KCNK1: variants seen among roughly 807,000 people sequenced by gnomAD.
The protein encoded by KCNK1 is potassium two pore domain channel subfamily K member 1, also known as potassium channel subfamily K member 1.
KCNK1 carries 10 observed loss-of-function variants against 22.2 expected under a neutral mutation model. That is an observed-to-expected ratio of 0.45 (90% confidence interval 0.28 to 0.76). The LOEUF (loss-of-function observed/expected upper bound fraction) is 0.76. Ranked by LOEUF, KCNK1 falls within the 30% of genes least tolerant of loss-of-function variation. KCNK1 has a pLI of 0.14. For missense variants in KCNK1, 378 were observed against 421.0 expected (o/e 0.90, Z 0.89); for synonymous variants, 200 against 186.4 (o/e 1.07, Z -0.60).
At chr1:233,635,579 G>A (rs986266201) in intron 1 of KCNK1, among the ~76,000 whole-genome samples, 2 of 147,624 alleles carry the variant, frequency 1.4e-5, no homozygotes, top group African/African-American at 5.2e-5. Flanking sequence ...ATGTTAATAA[G>A]CCATAAGCCA....
intron 1 of KCNK1, among the ~76,000 whole-genome samples, chr1:233,642,736 G>A (rs966729323): frequency 2.6e-5 from 4 of 152,056 alleles, no homozygotes; most frequent in African/African-American, 7.2e-5. Context: ...CAATGAATTC[G>A]GGAAATCATT....
rs375261741 is a variant in KCNK1 at position 233,666,550 on chromosome 1, C to G, written c.356-45C>G. 2.9e-5 allele frequency: 45 copies of G among 1,542,026 alleles called. No homozygotes were observed. In the African/African-American group the frequency reaches 5.5e-4, roughly 19 times the overall value. ...ATATTGTTTAAAAACGTGTTTGCCA[C>G]TTTGTCTCTTCCTCTTCGCCTCAGT... is the stretch of plus-strand genomic sequence containing the variant. On this transcript the variant is annotated intron_variant, in intron 1 of 2. Transcript: ENST00000366621.
intron 1 of KCNK1, among the ~76,000 whole-genome samples, chr1:233,662,271 T>TCTTCTTCTTCTTCTTCTTCTC (rs1553267164): frequency 6.0e-5 from 4 of 67,106 alleles, no homozygotes; most frequent in African/African-American, 8.3e-5. Flanking sequence ...TTCTTCTTCT[T>TCTTCTTCTTCTTCTTCTTCTC]CTCCTCCTCC....
At chr1:233,663,377 A>G (rs1558119579) in intron 1 of KCNK1, among the ~76,000 whole-genome samples, 1 of 152,212 alleles carries the variant, frequency 6.6e-6, no homozygotes, top group Admixed American at 6.5e-5. Context: ...GATTATCTTC[A>G]TTGCTTGGAG....
chr1:233,632,905 TG>T (rs903305901), intron 1 of KCNK1, among the ~76,000 whole-genome samples: 5 of 152,134 alleles, frequency 3.3e-5, no homozygotes, highest in Non-Finnish European at 7.4e-5. Flanking sequence ...AGTCTTTTCA[TG>T]TAAAGACATT....
At chr1:233,659,437 A>T (rs956246323) in intron 1 of KCNK1, among the ~76,000 whole-genome samples, 8 of 148,740 alleles carry the variant, frequency 5.4e-5, no homozygotes, top group Admixed American at 1.3e-4. Flanking sequence ...ATTTTTTATT[A>T]AAAAAAATGT....
intron 1 of KCNK1, chr1:233,650,103 G>A (rs1658173477): frequency 1.9e-6 from 1 of 522,186 alleles, no homozygotes; most frequent in African/African-American, 1.9e-5. Context: ...AGAACTTTTA[G>A]GAGAGGAGAC....
chr1:233,664,010 T>G (rs140138661), intron 1 of KCNK1, among the ~76,000 whole-genome samples: 9,504 of 152,120 alleles, frequency 0.062, 431 homozygotes, highest in Non-Finnish European at 0.093. Context: ...TTTTGTATTT[T>G]TAGTAGAGAT....
At chr1:233,648,484 C>T (rs1263220874) in intron 1 of KCNK1, among the ~76,000 whole-genome samples, 1 of 151,924 alleles carries the variant, frequency 6.6e-6, no homozygotes, top group Admixed American at 6.6e-5. Context: ...TTTTTTTAAC[C>T]ATGAGATGCT....
intron 1 of KCNK1, among the ~76,000 whole-genome samples, chr1:233,647,002 T>C (rs568347628): frequency 1.3e-5 from 2 of 152,304 alleles, no homozygotes; most frequent in East Asian, 1.9e-4. Context: ...ACGCCTCTTA[T>C]TGGCACATTG....
chr1:233,656,017 A>C (rs1312023612), intron 1 of KCNK1, among the ~76,000 whole-genome samples: 1 of 152,136 alleles, frequency 6.6e-6, no homozygotes, highest in Admixed American at 6.5e-5. Flanking sequence ...ACTTTTGTGG[A>C]TTTCAAGTCC....
intron 1 of KCNK1, among the ~76,000 whole-genome samples, chr1:233,656,186 C>A (rs143246438): frequency 3.9e-5 from 6 of 152,310 alleles, no homozygotes; most frequent in Non-Finnish European, 7.3e-5. Context: ...ACTGGCAATA[C>A]TGGTTTACAA....
At chr1:233,641,361 T>G (rs1657996883) in intron 1 of KCNK1, among the ~76,000 whole-genome samples, 1 of 152,234 alleles carries the variant, frequency 6.6e-6, no homozygotes, top group Non-Finnish European at 1.5e-5. Context: ...TGCCAGGGTT[T>G]CAGGGTTAGA....
intron 1 of KCNK1, among the ~76,000 whole-genome samples, chr1:233,626,244 G>T (rs955689808): frequency 2.0e-5 from 3 of 152,042 alleles, no homozygotes; most frequent in Non-Finnish European, 4.4e-5. Flanking sequence ...GTAAAAGAAA[G>T]AAGAGTGAAG....
At chr1:233,622,912 T>A (rs1379711824) in intron 1 of KCNK1, among the ~76,000 whole-genome samples, 1 of 152,188 alleles carries the variant, frequency 6.6e-6, no homozygotes, top group South Asian at 2.1e-4. Context: ...CTCCTCTGAC[T>A]GGGATTGACC....
intron 2 of KCNK1, among the ~76,000 whole-genome samples, chr1:233,667,526 C>T (rs368206986): frequency 6.6e-6 from 1 of 151,704 alleles, no homozygotes; most frequent in Non-Finnish European, 1.5e-5. Context: ...GTCAGGAGAT[C>T]GAGACCATCC....
Position 233,671,568 on chromosome 1 carries a change from C to T in KCNK1, c.*38C>T. 6.2e-7 allele frequency: 1 copy of T among 1,611,314 alleles called. No homozygotes were observed. The highest frequency in any genetic ancestry group is 8.5e-7 in the Non-Finnish European group (1 of 1,178,582). On this transcript the variant is annotated 3_prime_UTR_variant, in exon 3 of 3. Transcript: ENST00000366621. The stretch of plus-strand genomic sequence containing the variant: ...TTGCATTATGCTAGAGCACCAGGGT[C>T]AGGGTGCAAGGAAGAGGCTTAAGTA...
intron 1 of KCNK1, among the ~76,000 whole-genome samples, chr1:233,634,728 C>G (rs1401481245): frequency 3.3e-5 from 5 of 152,234 alleles, no homozygotes; most frequent in Admixed American, 6.5e-5. Flanking sequence ...AGGGAAACTT[C>G]TGTTGCTAAT....
chr1:233,617,707 AG>A (rs1319498914), intron 1 of KCNK1, among the ~76,000 whole-genome samples: 2 of 152,200 alleles, frequency 1.3e-5, no homozygotes, highest in African/African-American at 4.8e-5. Flanking sequence ...CAGGAGTTCA[AG>A]ACTGCAGTGA....
Sources: allele counts gnomAD v4.1 joint callset (sites outside exome capture counted in the v4.1 genomes callset), GRCh38; gene constraint gnomAD v4.1.1; transcripts MANE v1.5; gene names NCBI Gene and HGNC (gene_info 2026-07-23, HGNC 2026-07-21).